Variants in UNC119B observed in about 807,000 individuals in gnomAD.
UNC119B encodes the protein unc-119 lipid binding chaperone B, also known as protein unc-119 homolog B.
In UNC119B, 16 loss-of-function variants were observed where a neutral mutation model predicts 23.4. The ratio of observed to expected loss-of-function variants is 0.68; its 90% CI spans 0.46 to 1.04. UNC119B has a LOEUF of 1.04. UNC119B is among the 50% of genes least tolerant of loss of function. UNC119B has a pLI of 0.00. For synonymous variants in UNC119B, 144 were observed against 145.4 expected (o/e 0.99, Z 0.07); for missense variants, 350 against 361.3 (o/e 0.97, Z 0.25).
rs1242096059 is a variant in UNC119B at position 120,717,060 on chromosome 12, C to T, written c.643+18C>T. ...GGATGTCAGTATGTATCCCCTGACC[C>T]TTACAGCACTCTAGATTCTGAGGGC... On this transcript the variant is annotated intron_variant, in intron 4 of 4. Transcript: ENST00000344651. 6.5e-7 allele frequency: 1 copy of T among 1,548,724 alleles called. No individual in the cohort carries two copies. The highest frequency in any genetic ancestry group is 8.7e-7 in the Non-Finnish European group (1 of 1,147,194).
rs138475337 is a variant in UNC119B at position 120,717,933 on chromosome 12, G to A, written c.643+891G>A. 5.2e-3 allele frequency among the ~76,000 whole-genome samples: 789 copies of A among 150,970 alleles called. 7 individuals carry two copies. Among genetic ancestry groups the A allele is most frequent in the African/African-American group, 0.018 (753 of 40,988 alleles). On this transcript the variant is annotated intron_variant, in intron 4 of 4. Transcript: ENST00000344651. The stretch of plus-strand genomic sequence containing the variant: ...GTCACCCAGGCTGGAGTGCAGTGGC[G>A]CAATCTCGGCTCACTGCAAGCTCTG...
intron 4 of UNC119B, among the ~76,000 whole-genome samples, chr12:120,719,619 C>T (rs1308960177): frequency 6.6e-6 from 1 of 152,136 alleles, no homozygotes; most frequent in Non-Finnish European, 1.5e-5. Flanking sequence ...GAGGGGTGAG[C>T]ACATTTCCCT....
rs769602278 is a variant in UNC119B at position 120,710,492 on chromosome 12, G to T, written c.18G>T (p.Pro6=). 7.4e-7 allele frequency: 1 copy of T among 1,351,330 alleles called. No individual in the cohort carries two copies. The highest frequency in any genetic ancestry group is 9.4e-7 in the Non-Finnish European group (1 of 1,058,590). 83.7% of individuals were successfully genotyped at this position (1,351,330 alleles called of 1,614,324 possible). A position where few individuals can be genotyped will look rare whatever the true frequency, so the allele number is the denominator to read the frequency against. Residue 6 remains proline (P), a synonymous_variant, in exon 1 of 5, where the codon CCG becomes CCT. Coordinates refer to ENST00000344651, the MANE Select transcript of UNC119B (RefSeq NM_001080533.3). ...GCGGAGCGATGAGCGGGTCTAACCC[G>T]AAGGCTGCGGCCGCGGCGTCGGCGG... is the stretch of plus-strand genomic sequence containing the variant. MSGSN[P]KAAAAASAAG... is the part of the protein sequence containing the mutation.
Position 120,710,673 on chromosome 12 carries a change from A to G in UNC119B, c.199A>G (p.Thr67Ala). Residue 67 changes from threonine to alanine, a missense_variant, in exon 1 of 5, where the codon ACC (threonine) becomes GCC (alanine). Physicochemically the swap from Thr to Ala is moderately conservative, Grantham distance 58. Coordinates refer to ENST00000344651, the MANE Select transcript of UNC119B (RefSeq NM_001080533.3). ...VTEQELLALD[T>A]IRPEHVLRLS... is the part of the protein sequence containing the mutation. Reference sequence around the variant, plus strand: ...GGAGCAGGAGCTGCTGGCGCTGGACACCATCCGGCCCGAGCACGTCCTGCG... The same window carrying G: ...GGAGCAGGAGCTGCTGGCGCTGGACGCCATCCGGCCCGAGCACGTCCTGCG... 6.9e-7 allele frequency: 1 copy of G among 1,451,866 alleles called. No individual in the cohort carries two copies. 89.9% of individuals were successfully genotyped at this position (1,451,866 alleles called of 1,614,324 possible).
chr12:120,719,790 A>T, intron 4 of UNC119B, 130 bp from the exon 5 acceptor site: 1 of 647,984 alleles, frequency 1.5e-6, no homozygotes, highest in Middle Eastern at 2.6e-4. Context: ...CCTCATCGTT[A>T]TTCTGGCAGA....
chr12:120,711,151 G>A (rs1391514221), intron 1 of UNC119B: 7 of 154,838 alleles, frequency 4.5e-5, no homozygotes. Context: ...TGGCAGGCCA[G>A]AAGCCTTACC....
At chr12:120,714,645 G>A (rs1216442964) in intron 2 of UNC119B, among the ~76,000 whole-genome samples, 2 of 152,040 alleles carry the variant, frequency 1.3e-5, no homozygotes, top group Non-Finnish European at 2.9e-5. Context: ...TATTGGGATG[G>A]TCAGATCAAG....
chr12:120,717,699 A>C (rs1308994999), intron 4 of UNC119B, among the ~76,000 whole-genome samples: 3 of 148,566 alleles, frequency 2.0e-5, no homozygotes, highest in Non-Finnish European at 3.0e-5. Flanking sequence ...AGTAGCTGGG[A>C]TTATAGGCAC....
intron 4 of UNC119B, among the ~76,000 whole-genome samples, chr12:120,718,582 G>A (rs73227004): frequency 5.9e-5 from 9 of 152,350 alleles, no homozygotes; most frequent in Non-Finnish European, 8.8e-5. Context: ...CTGCTGCCGT[G>A]TAGCCTCGGC....
At chr12:120,719,157 A>G (rs541207304) in intron 4 of UNC119B, among the ~76,000 whole-genome samples, 2 of 152,336 alleles carry the variant, frequency 1.3e-5, no homozygotes, top group East Asian at 3.9e-4. Context: ...GCATGTAATC[A>G]TTAACTCAAA....
chr12:120,718,393 A>C (rs1381366460), intron 4 of UNC119B, among the ~76,000 whole-genome samples: 1 of 152,200 alleles, frequency 6.6e-6, no homozygotes, highest in African/African-American at 2.4e-5. Context: ...AAATAGAATC[A>C]AGGCCAGAGG....
intron 1 of UNC119B, 72 bp from the exon 2 acceptor site, chr12:120,713,202 A>C (rs1329399020): frequency 7.6e-7 from 1 of 1,313,576 alleles, no homozygotes; most frequent in Non-Finnish European, 1.1e-6. Context: ...TTTGCTTCAA[A>C]ACTTGAGAAT....
intron 4 of UNC119B, among the ~76,000 whole-genome samples, chr12:120,717,833 G>T (rs1392299684): frequency 6.6e-6 from 1 of 150,858 alleles, no homozygotes; most frequent in Non-Finnish European, 1.5e-5. Flanking sequence ...AAGTACTGGG[G>T]ATTACAGGCG....
chr12:120,714,915 C>T (rs1156789066), intron 2 of UNC119B, among the ~76,000 whole-genome samples: 1 of 152,122 alleles, frequency 6.6e-6, no homozygotes, highest in African/African-American at 2.4e-5. Context: ...AGGCTGGGTG[C>T]GGTGGATCAC....
rs1368666503 is a variant in UNC119B, at chr12:120,716,723, C to T, written c.454C>T (p.Arg152Trp). 21 of 1,614,006 alleles carry T rather than the reference C, an allele frequency of 1.3e-5. No homozygotes were observed. Among genetic ancestry groups the T allele is most frequent in the South Asian group, 3.3e-5 (3 of 91,082 alleles). Residue 152 changes from arginine (R) to tryptophan (W), a missense_variant, in exon 3 of 5, where the codon CGG (arginine) becomes TGG (tryptophan). By Grantham distance (101) the Arg-to-Trp change is moderately radical. Coordinates refer to ENST00000344651, the MANE Select transcript of UNC119B (RefSeq NM_001080533.3). ...YQFTPAFLRL[R>W]TVGATVEFTV... Reference sequence around the variant, plus strand: ...GTTCACACCGGCATTTCTCCGCCTCCGGACAGTCGGGGCTACGTGAGTACC... The same window carrying T: ...GTTCACACCGGCATTTCTCCGCCTCTGGACAGTCGGGGCTACGTGAGTACC...
Position 120,721,543 on chromosome 12 carries a change from C to G in UNC119B, c.*1511C>G, listed in dbSNP as rs1428914477. 6.6e-6 allele frequency: 1 copy of G among 152,498 alleles called. No homozygotes were observed. The highest frequency in any genetic ancestry group is 1.9e-4 in the East Asian group (1 of 5,206). The allele number at this position is 152,498 out of a possible 1,614,324, so 9.4% of individuals were successfully genotyped here. A position where few individuals can be genotyped will look rare whatever the true frequency, so the allele number is the denominator to read the frequency against. On this transcript the variant is annotated 3_prime_UTR_variant, in exon 5 of 5. Coordinates refer to ENST00000344651, the MANE Select transcript of UNC119B (RefSeq NM_001080533.3). ...AGTGTGTGGCCACAGAAATTCCTGT[C>G]CATCCACCACCAGTGCTGCTCCCTG...
intron 4 of UNC119B, among the ~76,000 whole-genome samples, chr12:120,717,953 G>A (rs1242031403): frequency 6.6e-6 from 1 of 150,646 alleles, no homozygotes; most frequent in Non-Finnish European, 1.5e-5. Flanking sequence ...CTCACTGCAA[G>A]CTCTGCCTCC....
chr12:120,713,454 T>TCAAA, intron 2 of UNC119B, 67 bp downstream of exon 2: 2 of 1,159,032 alleles, frequency 1.7e-6, no homozygotes, highest in Non-Finnish European at 2.6e-6. Context: ...CTCAAATCTT[T>TCAAA]GTGTGCCACT....
At position 120,723,123 on chromosome 12, in the gene UNC119B, G is replaced by C. The variant is rs1487521981; in HGVS notation, c.*3091G>C. ...TGCCTTAGTGTGTCCTGCCCCACCG[G>C]TACGCTTCCAGGATACTCTTTTCCC... On this transcript the variant is annotated 3_prime_UTR_variant, in exon 5 of 5. Transcript: ENST00000344651. 2 of 154,130 alleles carry C rather than the reference G, an allele frequency of 1.3e-5. No homozygotes were observed. Among genetic ancestry groups the C allele is most frequent in the Non-Finnish European group, 2.9e-5 (2 of 68,258 alleles). 9.5% of individuals were successfully genotyped at this position (154,130 alleles called of 1,614,324 possible).
Sources: gnomAD v4.1 joint callset for allele counts (sites outside exome capture counted in the v4.1 genomes callset) on GRCh38, gnomAD v4.1.1 for gene constraint, MANE v1.5 for transcripts, NCBI Gene and HGNC (gene_info 2026-07-23, HGNC 2026-07-21) for gene names.